Variants in CYRIB observed in about 807,000 individuals in gnomAD.
CYRIB encodes the protein CYFIP related Rac1 interactor B, also known as CYFIP-related Rac1 interactor B.
In CYRIB, 8 loss-of-function variants were observed where a neutral mutation model predicts 44.2. The observed-to-expected ratio is 0.18, with a 90% CI of 0.11 to 0.33. The LOEUF is 0.33. Ranked by LOEUF, CYRIB falls within the 10% of genes least tolerant of loss-of-function variation. CYRIB has a pLI of 1.00. For missense variants in CYRIB, 185 were observed against 382.8 expected, an observed-to-expected ratio of 0.48 and a Z score of 4.31; for synonymous variants, 131 against 127.2, an observed-to-expected ratio of 1.03 and a Z score of -0.20.
chr8:129,908,086 G>A (rs560231960), intron 1 of CYRIB, among the ~76,000 whole-genome samples: 4 of 152,226 alleles, frequency 2.6e-5, no homozygotes, highest in Admixed American at 2.6e-4. Context: ...ATTACACATG[G>A]ATTTGAGTTT....
At chr8:129,842,757 T>C (rs2037152252) in intron 11 of CYRIB, among the ~76,000 whole-genome samples, 1 of 152,256 alleles carries the variant, frequency 6.6e-6, no homozygotes, top group Admixed American at 6.5e-5. Context: ...GGTTACTTTC[T>C]TGTTATGGTG....
chr8:129,994,381 G>A (rs1352284737), intron 1 of CYRIB, among the ~76,000 whole-genome samples: 7 of 152,216 alleles, frequency 4.6e-5, no homozygotes. Context: ...GACAGTAGAT[G>A]TCTGTTGAGT....
intron 2 of CYRIB, among the ~76,000 whole-genome samples, chr8:129,896,127 C>T (rs1178961864): frequency 1.3e-5 from 2 of 152,156 alleles, no homozygotes; most frequent in African/African-American, 2.4e-5. Context: ...ATTTTTGAAA[C>T]TCCAGCCTAA....
chr8:129,973,063 A>G (rs28366859), intron 1 of CYRIB, among the ~76,000 whole-genome samples: 10,000 of 152,210 alleles, frequency 0.066, 357 homozygotes, highest in African/African-American at 0.098. Flanking sequence ...TGTGCCAAGC[A>G]TTGTGGCCAT....
intron 1 of CYRIB, among the ~76,000 whole-genome samples, chr8:129,911,502 T>C (rs1369630426): frequency 1.3e-5 from 2 of 152,088 alleles, no homozygotes; most frequent in Non-Finnish European, 2.9e-5. Flanking sequence ...AAAATGATTC[T>C]TTAAAAAAAT....
chr8:130,010,680 T>G (rs1269937431), intron 1 of CYRIB, among the ~76,000 whole-genome samples: 1 of 152,144 alleles, frequency 6.6e-6, no homozygotes, highest in Admixed American at 6.5e-5. Flanking sequence ...ATCCTAGGCC[T>G]TTGTCACTTT....
At chr8:129,848,735 A>AT (rs1191521309) in intron 10 of CYRIB, among the ~76,000 whole-genome samples, 14,022 of 141,274 alleles carry the variant, frequency 0.099, 722 homozygotes, top group Non-Finnish European at 0.12. Context: ...CACCTGGCTA[A>AT]TTTTTTTTTT....
chr8:129,880,441 T>C, intron 2 of CYRIB: 2 of 985,826 alleles, frequency 2.0e-6, no homozygotes, highest in Non-Finnish European at 1.2e-6. Context: ...CTTAATGAGA[T>C]TACCCATGCC....
chr8:130,011,544 A>G (rs144324356), intron 1 of CYRIB, among the ~76,000 whole-genome samples: 20,871 of 146,194 alleles, frequency 0.14, 1,518 homozygotes, highest in Admixed American at 0.17. Flanking sequence ...TAGGCTGGGC[A>G]TGGTGGCTCA....
chr8:129,965,774 C>A (rs182946236), intron 2 of CYRIB, among the ~76,000 whole-genome samples: 1 of 150,688 alleles, frequency 6.6e-6, no homozygotes, highest in East Asian at 2.0e-4. Flanking sequence ...CCAGCCTGGG[C>A]GACAGAGCAA....
intron 2 of CYRIB, among the ~76,000 whole-genome samples, chr8:129,885,414 G>A (rs932714603): frequency 5.3e-5 from 8 of 152,110 alleles, no homozygotes; most frequent in Non-Finnish European, 1.0e-4. Context: ...GCTTATAAAC[G>A]TATTAAAGAC....
Position 129,851,148 on chromosome 8 carries a change from T to C in CYRIB, c.634-234A>G, listed in dbSNP as rs149655936. 8 of 491,196 alleles carry C rather than the reference T, an allele frequency of 1.6e-5. No homozygotes were observed. In the East Asian group the frequency reaches 3.0e-4, roughly 18 times the overall value. The allele number at this position is 491,196 out of a possible 1,614,324, so 30.4% of individuals were successfully genotyped here. ...GAAAGGCACCTGCATTCCAGCAATG[T>C]AAGAACAACTGCAACAATGCAGACA... On this transcript the variant is annotated intron_variant, in intron 8 of 11. Transcript: ENST00000519824.
At chr8:129,852,315 AAATT>A (rs1564085791) in intron 7 of CYRIB, 37 bp from the exon 10 acceptor site, 5 of 1,276,934 alleles carry the variant, frequency 3.9e-6, no homozygotes, top group Non-Finnish European at 5.3e-6. Flanking sequence ...GTTAGTTCAC[AAATT>A]ATTACATATA....
rs530230225 is a variant in CYRIB at position 129,933,887 on chromosome 8, C to CAA, written c.-50+5719_-50+5720dup. Among the ~76,000 whole-genome samples, 49 of 131,342 alleles carry CAA rather than the reference C, an allele frequency of 3.7e-4. No homozygotes were observed. The South Asian group carries it at 0.012, about 31-fold the overall frequency. The allele number at this position is 131,342 out of a possible 152,430, so 86.2% of individuals were successfully genotyped here. A position where few individuals can be genotyped will look rare whatever the true frequency, so the allele number is the denominator to read the frequency against. On this transcript the variant is annotated intron_variant, in intron 1 of 11. Transcript: ENST00000519824. Reference sequence around the variant, plus strand: ...ACAGAGTAAGACTCTGTCACACACACAAAAAAAAAAAGAAGAAGAAGAAGA... The same window carrying CAA: ...ACAGAGTAAGACTCTGTCACACACACAAAAAAAAAAAAAGAAGAAGAAGAAGA...
At chr8:130,012,940 A>G (rs1398549442) in intron 1 of CYRIB, among the ~76,000 whole-genome samples, 1 of 152,238 alleles carries the variant, frequency 6.6e-6, no homozygotes, top group African/African-American at 2.4e-5. Context: ...GATGAAAAAC[A>G]AGATTACAAG....
chr8:129,977,738 T>C (rs1300365637), intron 1 of CYRIB, among the ~76,000 whole-genome samples: 1 of 152,126 alleles, frequency 6.6e-6, no homozygotes, highest in Non-Finnish European at 1.5e-5. Context: ...TTCACCGTGT[T>C]AGCCAGGATG....
chr8:129,844,182 G>A (rs1214036331), intron 11 of CYRIB: 2 of 152,168 alleles, frequency 1.3e-5, no homozygotes, highest in Admixed American at 1.3e-4. Flanking sequence ...AATTTCTACT[G>A]CAGAGTAGTT....
Position 129,861,265 on chromosome 8 carries a change from C to T in CYRIB, c.301+964G>A, listed in dbSNP as rs539650189. Among the ~76,000 whole-genome samples, 33 of 152,290 alleles carry T rather than the reference C, an allele frequency of 2.2e-4. 1 individual carries two copies. Among genetic ancestry groups the T allele is most frequent in the African/African-American group, 7.5e-4 (31 of 41,562 alleles). On this transcript the variant is annotated intron_variant, in intron 5 of 11. Coordinates refer to ENST00000519824, the Ensembl canonical transcript of CYRIB. ...AAAGAGCTAACTGGCTAAATCTTACCTGCTCTGCCTCCTCCTCCTCCAATA... is the reference window on the plus strand; with the variant it reads ...AAAGAGCTAACTGGCTAAATCTTACTTGCTCTGCCTCCTCCTCCTCCAATA...
At chr8:129,875,017 GGTAA>G (rs1469394044) in intron 3 of CYRIB, among the ~76,000 whole-genome samples, 2 of 152,172 alleles carry the variant, frequency 1.3e-5, no homozygotes, top group South Asian at 2.1e-4. Context: ...TTTCCCTGGA[GGTAA>G]GTGAGTCAAG....
Sources: allele counts gnomAD v4.1 joint callset (sites outside exome capture counted in the v4.1 genomes callset), GRCh38; gene constraint gnomAD v4.1.1; transcripts MANE v1.5; gene names NCBI Gene and HGNC (gene_info 2026-07-23, HGNC 2026-07-21).